Variants in PHF24 observed in about 807,000 individuals in gnomAD.
The protein encoded by PHF24 is PHD finger protein 24, also known as Galpha inhibitory interacting protein.
A neutral mutation model predicts 42.6 loss-of-function variants in PHF24; 25 were observed. The ratio of observed to expected loss-of-function variants is 0.59; its 90% CI spans 0.43 to 0.82. The LOEUF (loss-of-function observed/expected upper bound fraction) is 0.82. Among genes scored for constraint, PHF24 ranks in the 40% least tolerant of loss-of-function variants. The pLI, the probability that PHF24 is intolerant of heterozygous loss-of-function variation, is 0.00. For synonymous variants in PHF24, 185 were observed against 204.8 expected, an observed-to-expected ratio of 0.90 and a Z score of 0.83; for missense variants, 470 against 538.1, an observed-to-expected ratio of 0.87 and a Z score of 1.25.
At chr9:34,760,548 G>A in the PHF24 span, among the ~76,000 whole-genome samples, 1 of 152,186 alleles carries the variant, frequency 6.6e-6, no homozygotes, top group Non-Finnish European at 1.5e-5. Context: ...AAGCCCCAGA[G>A]TAGTGTCAGG....
At chr9:34,827,784 T>G in the PHF24 span, among the ~76,000 whole-genome samples, 3 of 152,126 alleles carry the variant, frequency 2.0e-5, no homozygotes, top group African/African-American at 7.2e-5. Context: ...CTATTTATCT[T>G]CCTGCTTCCC....
the PHF24 span, among the ~76,000 whole-genome samples, chr9:34,847,383 A>G: frequency 5.4e-4 from 83 of 152,324 alleles, no homozygotes; most frequent in African/African-American, 1.9e-3. Context: ...GAGTTCACTC[A>G]TGATTTGGCT....
At chr9:34,882,980 T>C in the PHF24 span, among the ~76,000 whole-genome samples, 1 of 152,136 alleles carries the variant, frequency 6.6e-6, no homozygotes, top group Non-Finnish European at 1.5e-5. Context: ...AAGGCTACAG[T>C]AACCAAAACA....
At chr9:34,833,087 G>T in the PHF24 span, 1 of 1,551,238 alleles carries the variant, frequency 6.4e-7, no homozygotes, top group South Asian at 1.2e-5. Context: ...CTCTTCTCTG[G>T]TTGAGGAGCG....
chr9:34,741,111 C>A, the PHF24 span, among the ~76,000 whole-genome samples: 3 of 151,982 alleles, frequency 2.0e-5, no homozygotes, highest in Non-Finnish European at 4.4e-5. Flanking sequence ...GTCTTGAACT[C>A]CTGACCTCAG....
chr9:34,690,076 A>T, the PHF24 span: 1 of 1,591,504 alleles, frequency 6.3e-7, no homozygotes, highest in Non-Finnish European at 8.6e-7. Context: ...ATGCCTGGGG[A>T]CCATGTCTGG....
the PHF24 span, chr9:34,835,875 C>G: frequency 1.8e-6 from 2 of 1,084,014 alleles, no homozygotes; most frequent in East Asian, 2.6e-5. Flanking sequence ...TAGACAGAGA[C>G]AAGATCTCTA....
chr9:34,838,614 C>G, the PHF24 span: 19 of 597,434 alleles, frequency 3.2e-5, no homozygotes, highest in Non-Finnish European at 5.0e-5. Context: ...CGGAACTAGG[C>G]CACCAGACTG....
At chr9:34,862,771 G>A in the PHF24 span, among the ~76,000 whole-genome samples, 1 of 151,570 alleles carries the variant, frequency 6.6e-6, no homozygotes, top group Non-Finnish European at 1.5e-5. Context: ...AGAGGAAAAA[G>A]TAAAGGGGAC....
At chr9:34,899,905 G>A in the PHF24 span, among the ~76,000 whole-genome samples, 1 of 152,136 alleles carries the variant, frequency 6.6e-6, no homozygotes, top group Non-Finnish European at 1.5e-5. Flanking sequence ...TTTCACTCCA[G>A]ACTAATGAAT....
the PHF24 span, among the ~76,000 whole-genome samples, chr9:34,743,514 A>G: frequency 2.0e-5 from 3 of 152,204 alleles, no homozygotes; most frequent in Non-Finnish European, 2.9e-5. Context: ...ACCTACATCT[A>G]TCTCTTGGAA....
the PHF24 span, among the ~76,000 whole-genome samples, chr9:34,886,840 A>ATCTATCTATCTG: frequency 2.6e-5 from 4 of 151,294 alleles, no homozygotes; most frequent in Non-Finnish European, 4.4e-5. Flanking sequence ...CTATGTATCT[A>ATCTATCTATCTG]TCTATCTATC....
At chr9:34,847,060 T>G in the PHF24 span, among the ~76,000 whole-genome samples, 1 of 152,246 alleles carries the variant, frequency 6.6e-6, no homozygotes, top group Non-Finnish European at 1.5e-5. Context: ...TTCTTTTGGC[T>G]TAGGATTGAC....
At chr9:34,883,274 G>T in the PHF24 span, among the ~76,000 whole-genome samples, 98 of 152,020 alleles carry the variant, frequency 6.4e-4, no homozygotes, top group East Asian at 7.7e-3. Flanking sequence ...GAAGAAAACC[G>T]AGGCAATACC....
the PHF24 span, chr9:34,726,436 C>T: frequency 2.6e-6 from 4 of 1,551,048 alleles, no homozygotes; most frequent in Non-Finnish European, 3.5e-6. Flanking sequence ...GCATCCGGTT[C>T]AGGGTTTCTG....
chr9:34,728,700 C>A, the PHF24 span: 1 of 1,525,584 alleles, frequency 6.6e-7, no homozygotes, highest in East Asian at 2.5e-5. Flanking sequence ...ACACCATTTT[C>A]TTTCTCATGT....
the PHF24 span, among the ~76,000 whole-genome samples, chr9:34,929,050 C>T: frequency 4.8e-3 from 734 of 152,228 alleles, 1 homozygote; most frequent in South Asian, 0.027. Flanking sequence ...CCCACTCTTC[C>T]CTCCCCCACC....
the PHF24 span, among the ~76,000 whole-genome samples, chr9:34,884,300 C>T: frequency 6.6e-6 from 1 of 152,020 alleles, no homozygotes; most frequent in African/African-American, 2.4e-5. Flanking sequence ...GTGCAGCACA[C>T]CAACAGGGCA....
At chr9:34,902,900 A>G in the PHF24 span, among the ~76,000 whole-genome samples, 4 of 152,228 alleles carry the variant, frequency 2.6e-5, no homozygotes, top group African/African-American at 4.8e-5. Flanking sequence ...GAGTTTGGCC[A>G]TCTCTGGCGA....
Sources: allele counts gnomAD v4.1 joint callset (sites outside exome capture counted in the v4.1 genomes callset), GRCh38; gene constraint gnomAD v4.1.1; transcripts MANE v1.5; gene names NCBI Gene and HGNC (gene_info 2026-07-23, HGNC 2026-07-21).